Variants in SLC1A2 observed in about 807,000 individuals in gnomAD.
The protein encoded by SLC1A2 is excitatory amino acid transporter 2.
SLC1A2 carries 15 observed loss-of-function variants against 48.8 expected under a neutral mutation model. The observed-to-expected ratio is 0.31, with a 90% CI of 0.21 to 0.47. The LOEUF is 0.47. Ranked by LOEUF, SLC1A2 falls within the 20% of genes least tolerant of loss-of-function variation. SLC1A2 has a pLI of 0.99. For synonymous variants in SLC1A2, 279 were observed against 272.6 expected (o/e 1.02, Z -0.23); for missense variants, 502 against 730.5 (o/e 0.69, Z 3.61).
chr11:35,316,681 G>A (rs191449635), intron 2 of SLC1A2: 26 of 152,386 alleles, frequency 1.7e-4, no homozygotes, highest in African/African-American at 6.3e-4. Flanking sequence ...ACAAGGGAGG[G>A]ATTGAGAAAG....
intron 1 of SLC1A2, among the ~76,000 whole-genome samples, chr11:35,388,691 C>T (rs1854659328): frequency 6.6e-6 from 1 of 152,078 alleles, no homozygotes; most frequent in Admixed American, 6.6e-5. Flanking sequence ...CACCATGCCC[C>T]ACTCAGACAT....
chr11:35,367,544 C>A (rs561390858), intron 1 of SLC1A2, among the ~76,000 whole-genome samples: 5 of 86,434 alleles, frequency 5.8e-5, no homozygotes, highest in African/African-American at 1.9e-4. Flanking sequence ...TAAATTCATA[C>A]CCAAAATGTC....
intron 5 of SLC1A2, 106 bp downstream of exon 5, chr11:35,305,968 C>T (rs1400297658): frequency 2.0e-6 from 2 of 995,396 alleles, no homozygotes; most frequent in Non-Finnish European, 3.0e-6. Flanking sequence ...AGAGAGCCTC[C>T]TGCTCCACCT....
chr11:35,314,868 G>T (rs1405774665), intron 3 of SLC1A2, 155 bp downstream of exon 3: 5 of 489,934 alleles, frequency 1.0e-5, no homozygotes, highest in African/African-American at 3.8e-5. Context: ...CTTTAGGGTT[G>T]ATTATCCTCA....
intron 1 of SLC1A2, among the ~76,000 whole-genome samples, chr11:35,325,684 C>G (rs1772265575): frequency 6.6e-6 from 1 of 152,090 alleles, no homozygotes; most frequent in African/African-American, 2.4e-5. Context: ...GCAGGCGGGC[C>G]AGGTGAAGTG....
intron 1 of SLC1A2, among the ~76,000 whole-genome samples, chr11:35,321,120 G>C (rs1042590750): frequency 6.6e-6 from 1 of 152,128 alleles, no homozygotes; most frequent in African/African-American, 2.4e-5. Context: ...CCAAGCAAAA[G>C]GGGGAAAAGC....
chr11:35,305,135 A>G (rs1851465443), intron 5 of SLC1A2, among the ~76,000 whole-genome samples: 1 of 152,204 alleles, frequency 6.6e-6, no homozygotes, highest in Admixed American at 6.5e-5. Flanking sequence ...CTAGTGATGG[A>G]TGGAGGTTAC....
intron 9 of SLC1A2, among the ~76,000 whole-genome samples, chr11:35,274,494 G>A (rs1260426943): frequency 6.6e-6 from 1 of 152,184 alleles, no homozygotes; most frequent in Non-Finnish European, 1.5e-5. Flanking sequence ...AATCTTCAAA[G>A]AAAAGGTTAA....
chr11:35,350,106 A>G (rs1456666499), intron 1 of SLC1A2, among the ~76,000 whole-genome samples: 3 of 152,188 alleles, frequency 2.0e-5, no homozygotes, highest in Admixed American at 6.5e-5. Flanking sequence ...GGCACATGGT[A>G]TATATTCAAT....
chr11:35,360,958 G>A (rs916376391), intron 1 of SLC1A2, among the ~76,000 whole-genome samples: 3 of 151,806 alleles, frequency 2.0e-5, no homozygotes, highest in African/African-American at 4.8e-5. Flanking sequence ...CCACTGCAAC[G>A]TCCACCTCCC....
chr11:35,414,331 T>C (rs1011685303), intron 1 of SLC1A2, among the ~76,000 whole-genome samples: 1 of 152,190 alleles, frequency 6.6e-6, no homozygotes. Flanking sequence ...TGCGGGCCCA[T>C]TGTCTTTTCT....
chr11:35,268,292 T>C (rs1009796668), intron 9 of SLC1A2, among the ~76,000 whole-genome samples: 4 of 152,216 alleles, frequency 2.6e-5, no homozygotes, highest in Non-Finnish European at 4.4e-5. Context: ...ATTTGCATTA[T>C]TGGCAAAGAA....
At chr11:35,282,887 T>C (rs1356988209) in intron 8 of SLC1A2, among the ~76,000 whole-genome samples, 1 of 152,202 alleles carries the variant, frequency 6.6e-6, no homozygotes, top group East Asian at 1.9e-4. Context: ...TGTCTCTGTG[T>C]GTGGAATTCT....
intron 9 of SLC1A2, among the ~76,000 whole-genome samples, chr11:35,276,855 AG>A (rs1850457267): frequency 6.6e-6 from 1 of 152,238 alleles, no homozygotes; most frequent in Admixed American, 6.5e-5. Context: ...ATGCAGAATC[AG>A]GTGTGTCTTA....
intron 1 of SLC1A2, among the ~76,000 whole-genome samples, chr11:35,400,963 G>A (rs1405976187): frequency 6.8e-6 from 1 of 147,424 alleles, no homozygotes; most frequent in Non-Finnish European, 1.5e-5. Flanking sequence ...ATGCACATCG[G>A]TTTGGTTCCA....
chr11:35,318,557 A>G (rs576459344), intron 1 of SLC1A2, among the ~76,000 whole-genome samples: 19 of 152,330 alleles, frequency 1.2e-4, no homozygotes, highest in Admixed American at 9.8e-4. Context: ...GACTGGAGAA[A>G]ACTTCCTTTG....
chr11:35,393,895 T>C (rs868456094), intron 1 of SLC1A2, among the ~76,000 whole-genome samples: 1 of 152,284 alleles, frequency 6.6e-6, no homozygotes. Flanking sequence ...CTTTCACCCT[T>C]TTCCTCTTCT....
intron 9 of SLC1A2, among the ~76,000 whole-genome samples, chr11:35,274,608 A>T (rs1850383723): frequency 6.6e-6 from 1 of 152,120 alleles, no homozygotes; most frequent in Non-Finnish European, 1.5e-5. Context: ...TCAAATTTTT[A>T]AAACAGCAGA....
At chr11:35,354,901 A>G (rs1853401288) in intron 1 of SLC1A2, among the ~76,000 whole-genome samples, 2 of 152,158 alleles carry the variant, frequency 1.3e-5, no homozygotes, top group Non-Finnish European at 2.9e-5. Context: ...GAACAGCAAA[A>G]TCTTCCTGAA....
Sources: allele counts gnomAD v4.1 joint callset (sites outside exome capture counted in the v4.1 genomes callset), GRCh38; gene constraint gnomAD v4.1.1; transcripts MANE v1.5; gene names NCBI Gene and HGNC (gene_info 2026-07-23, HGNC 2026-07-21).